The following DMD variants were observed in gnomAD, a reference collection of about 807,000 sequenced individuals.
The protein encoded by DMD is dystrophin, also known as mutant dystrophin.
DMD carries 63 observed loss-of-function variants against 330.1 expected under a neutral mutation model. The ratio of observed to expected loss-of-function variants is 0.19; its 90% confidence interval spans 0.16 to 0.24. The LOEUF (loss-of-function observed/expected upper bound fraction) is 0.24, where lower values mean the gene tolerates loss of function less well. Among genes scored for constraint, DMD ranks in the 10% least tolerant of loss-of-function variants. The pLI is 1.00. For synonymous variants in DMD, 1,223 were observed against 959.8 expected, an observed-to-expected ratio of 1.27 and a Z score of -5.07; for missense variants, 3,344 against 2,684.1, an observed-to-expected ratio of 1.25 and a Z score of -5.43.
At chrX:31,772,994 G>A (rs1357815050) in intron 51 of DMD, among the ~76,000 whole-genome samples, 1 of 111,415 alleles carries the variant, frequency 9.0e-6, no homozygotes, top group African/African-American at 3.3e-5. Flanking sequence ...CAAGCTCAAG[G>A]CCTTTAAATG....
intron 48 of DMD, among the ~76,000 whole-genome samples, chrX:31,865,727 A>G (rs1458579828): frequency 1.8e-5 from 2 of 111,733 alleles, no homozygotes; most frequent in Non-Finnish European, 3.8e-5. Flanking sequence ...TCTTGAGTCT[A>G]GAGTCCCAGG....
chrX:31,463,875 A>G (rs2066687811), intron 59 of DMD, among the ~76,000 whole-genome samples: 1 of 111,711 alleles, frequency 9.0e-6, no homozygotes, highest in Non-Finnish European at 1.9e-5. Context: ...TTAAATGTTC[A>G]CACTCTATAA....
intron 2 of DMD, among the ~76,000 whole-genome samples, chrX:32,932,643 A>G (rs754715091): frequency 8.9e-6 from 1 of 111,980 alleles, no homozygotes; most frequent in South Asian, 3.7e-4. Context: ...AATTGGTATG[A>G]CTAGAAGAGA....
chrX:32,469,449 T>G (rs927735340), intron 22 of DMD, among the ~76,000 whole-genome samples: 6 of 111,184 alleles, frequency 5.4e-5, no homozygotes, highest in African/African-American at 1.9e-4. Flanking sequence ...ATTAAATATA[T>G]GATCATGTAT....
At chrX:33,047,468 T>C (rs760863661) in intron 1 of DMD, among the ~76,000 whole-genome samples, 1 of 111,624 alleles carries the variant, frequency 9.0e-6, no homozygotes, top group African/African-American at 3.2e-5. Context: ...CTGCAAATGA[T>C]GGACTATAAA....
At chrX:31,927,452 A>T (rs1009036741) in intron 47 of DMD, among the ~76,000 whole-genome samples, 1 of 111,841 alleles carries the variant, frequency 8.9e-6, no homozygotes, top group African/African-American at 3.2e-5. Flanking sequence ...TTGTCATAAG[A>T]TGTACTGAGA....
At chrX:32,856,903 G>A (rs1008093576) in intron 2 of DMD, among the ~76,000 whole-genome samples, 16 of 110,713 alleles carry the variant, frequency 1.4e-4, no homozygotes, top group South Asian at 7.8e-4. Flanking sequence ...GTGAAACCCC[G>A]TCTCTACTAA....
chrX:32,198,349 G>A (rs2097016394), intron 44 of DMD, among the ~76,000 whole-genome samples: 2 of 111,487 alleles, frequency 1.8e-5, no homozygotes, highest in Non-Finnish European at 3.8e-5. Flanking sequence ...AATAATGGTA[G>A]CGTTGTTTTC....
At chrX:32,363,973 C>A (rs748792628) in intron 36 of DMD, among the ~76,000 whole-genome samples, 2 of 111,806 alleles carry the variant, frequency 1.8e-5, no homozygotes, top group East Asian at 5.6e-4. Context: ...TTGCGTATTA[C>A]ACCTCTCATA....
At chrX:31,883,750 CATATTAAAAAT>C (rs1423088727) in intron 47 of DMD, among the ~76,000 whole-genome samples, 1 of 111,085 alleles carries the variant, frequency 9.0e-6, no homozygotes, top group Non-Finnish European at 1.9e-5. Flanking sequence ...ATATTAATGA[CATATTAAAAAT>C]ATATTAAAAA....
chrX:32,880,858 C>A (rs1363934070), intron 2 of DMD, among the ~76,000 whole-genome samples: 2 of 112,484 alleles, frequency 1.8e-5, no homozygotes, highest in East Asian at 2.8e-4. Flanking sequence ...GCAGGAGAAT[C>A]GCTTGAACCC....
At chrX:33,034,127 T>C (rs906367214) in intron 1 of DMD, among the ~76,000 whole-genome samples, 3 of 111,103 alleles carry the variant, frequency 2.7e-5, no homozygotes, top group African/African-American at 9.8e-5. Flanking sequence ...AAAGTTCATA[T>C]ATGCATGTGT....
chrX:33,051,215 T>C (rs2148004202), intron 1 of DMD, among the ~76,000 whole-genome samples: 1 of 105,096 alleles, frequency 9.5e-6, no homozygotes, highest in Non-Finnish European at 2.0e-5. Flanking sequence ...GACTTTTCTT[T>C]TTTTTTTTTT....
At chrX:32,375,894 T>C (rs2097900709) in intron 34 of DMD, among the ~76,000 whole-genome samples, 1 of 111,905 alleles carries the variant, frequency 8.9e-6, no homozygotes, top group Non-Finnish European at 1.9e-5. Flanking sequence ...CCTTCCTTTT[T>C]AAAGGGCACA....
At chrX:32,643,884 G>C (rs181816144) in intron 11 of DMD, among the ~76,000 whole-genome samples, 22 of 111,851 alleles carry the variant, frequency 2.0e-4, no homozygotes, top group African/African-American at 7.1e-4. Flanking sequence ...AACTATGACA[G>C]AATTTTGGCA....
At chrX:32,415,659 T>C (rs1313105232) in intron 29 of DMD, among the ~76,000 whole-genome samples, 2 of 112,198 alleles carry the variant, frequency 1.8e-5, no homozygotes, top group East Asian at 5.6e-4. Context: ...ATTTCATGTC[T>C]TTAGCTAATC....
intron 1 of DMD, among the ~76,000 whole-genome samples, chrX:33,089,096 T>G (rs1252908752): frequency 2.0e-5 from 2 of 102,307 alleles, no homozygotes; most frequent in African/African-American, 7.3e-5. Context: ...GACAGAGTCT[T>G]GCTCTGTCAC....
intron 7 of DMD, among the ~76,000 whole-genome samples, chrX:32,737,722 A>C (rs750612089): frequency 2.7e-5 from 3 of 111,883 alleles, no homozygotes; most frequent in African/African-American, 3.2e-5. Context: ...CCAGGCCCAC[A>C]GCTCCTTTTG....
chrX:32,761,278 T>A (rs16990655), intron 7 of DMD, among the ~76,000 whole-genome samples: 7,974 of 111,893 alleles, frequency 0.071, 311 homozygotes, highest in Admixed American at 0.18. Flanking sequence ...CAGTATATAA[T>A]CTGCTCATTT....
Sources: gnomAD v4.1 joint callset for allele counts (sites outside exome capture counted in the v4.1 genomes callset) on GRCh38, gnomAD v4.1.1 for gene constraint, MANE v1.5 for transcripts, NCBI Gene and HGNC (gene_info 2026-07-23, HGNC 2026-07-21) for gene names.